KNDC1: variants seen among roughly 807,000 people sequenced by gnomAD.
The protein encoded by KNDC1 is kinase non-catalytic C-lobe domain-containing protein 1.
In KNDC1, 106 loss-of-function variants were observed where a neutral mutation model predicts 172.8. The ratio of observed to expected loss-of-function variants is 0.61; its 90% CI spans 0.52 to 0.72. The LOEUF is 0.72. Ranked by LOEUF, KNDC1 falls within the 30% of genes least tolerant of loss-of-function variation. The pLI, the probability that KNDC1 is intolerant of heterozygous loss-of-function variation, is 0.00. For synonymous variants in KNDC1, 1,083 were observed against 1,062.2 expected, an observed-to-expected ratio of 1.02 and a Z score of -0.38; for missense variants, 2,325 against 2,394.5, an observed-to-expected ratio of 0.97 and a Z score of 0.61.
intron 26 of KNDC1, among the ~76,000 whole-genome samples, chr10:133,215,532 G>A (rs988795704): frequency 6.6e-6 from 1 of 152,260 alleles, no homozygotes; most frequent in Admixed American, 6.5e-5. Flanking sequence ...CAGATCCATG[G>A]TTTTCACCAT....
intron 3 of KNDC1, among the ~76,000 whole-genome samples, chr10:133,180,964 A>T (rs1853699893): frequency 6.6e-6 from 1 of 152,262 alleles, no homozygotes; most frequent in Non-Finnish European, 1.5e-5. Flanking sequence ...ACGGTCATTT[A>T]TCAGGAGGGT....
chr10:133,212,724 C>A lies in KNDC1; in HGVS notation c.4245C>A (p.Pro1415=). 2 of 1,612,762 alleles carry A rather than the reference C, an allele frequency of 1.2e-6. No homozygotes were observed. The highest frequency in any genetic ancestry group is 1.7e-6 in the Non-Finnish European group (2 of 1,179,678). ...CCCGGCCTGCCCTGCAGAGCTTCCC[C>A]TGGAGGCTGCCCCGAGGCAACGGGC... ...SEDGISRKSF[P]WRLPRGNGLV... Residue 1415 remains proline (P), a synonymous_variant, in exon 24 of 30, where the codon CCC becomes CCA. Transcript: ENST00000304613.
In KNDC1 at chr10:133,213,772, C is replaced by CG. The variant is rs769991606; in HGVS notation, c.4526+50dup. The CG allele has an allele frequency of 6.1e-5, 96 of 1,571,838 alleles. 1 individual carries two copies. Among genetic ancestry groups the CG allele is most frequent in the Non-Finnish European group, 1.1e-5 (13 of 1,144,144 alleles). ...AGCTGGGAGCGGTGGTGGAGGGTCT[C>CG]GGGGGCTTCCCGTAAGAGTCTTGTG... On this transcript the variant is annotated intron_variant, in intron 25 of 29. Transcript: ENST00000304613.
intron 23 of KNDC1, 103 bp downstream of exon 23, chr10:133,211,961 G>A: frequency 8.8e-7 from 1 of 1,139,508 alleles, no homozygotes; most frequent in Non-Finnish European, 1.2e-6. Flanking sequence ...ATACACACAA[G>A]TGCAAATGGG....
chr10:133,187,930 T>C (rs117665082), intron 6 of KNDC1, among the ~76,000 whole-genome samples: 42,889 of 89,486 alleles, frequency 0.48, 8,505 homozygotes, highest in South Asian at 0.63. Context: ...TCCATGAGCC[T>C]GGCCCCTGCA....
At chr10:133,177,534 A>T (rs1045431162) in intron 3 of KNDC1, among the ~76,000 whole-genome samples, 2 of 151,496 alleles carry the variant, frequency 1.3e-5, no homozygotes, top group South Asian at 2.1e-4. Flanking sequence ...GCATGCACAT[A>T]GTGTGTGTCA....
intron 22 of KNDC1, 21 bp from the exon 23 acceptor site, chr10:133,211,658 C>A (rs1460575230): frequency 6.9e-6 from 11 of 1,589,888 alleles, no homozygotes; most frequent in Non-Finnish European, 9.4e-6. Flanking sequence ...GTGACCCCCC[C>A]ACCACTGTGC....
intron 12 of KNDC1, 142 bp downstream of exon 12, chr10:133,197,910 T>C: frequency 1.4e-6 from 1 of 723,410 alleles, no homozygotes; most frequent in Middle Eastern, 3.8e-4. Flanking sequence ...ACGTGGCCCA[T>C]GCAGCCCAGC....
chr10:133,177,508 T>C (rs1853574986), intron 3 of KNDC1, among the ~76,000 whole-genome samples: 1 of 146,448 alleles, frequency 6.8e-6, no homozygotes, highest in African/African-American at 2.5e-5. Context: ...GTCATGGTCA[T>C]GTGTGTAATG....
At chr10:133,210,152 G>A (rs1225081018) in intron 20 of KNDC1, among the ~76,000 whole-genome samples, 5 of 152,020 alleles carry the variant, frequency 3.3e-5, no homozygotes, top group African/African-American at 7.3e-5. Flanking sequence ...TTGGGTGGCC[G>A]AGGCAGGCAG....
intron 7 of KNDC1, 94 bp downstream of exon 7, chr10:133,188,747 C>T: frequency 1.7e-6 from 1 of 588,658 alleles, no homozygotes; most frequent in Non-Finnish European, 3.0e-6. Flanking sequence ...CGTCCCACCC[C>T]CCACACCGTC....
rs375894365 is a variant in KNDC1 at position 133,210,589 on chromosome 10, C to T, written c.3795-22C>T. 9.0e-5 allele frequency: 137 copies of T among 1,530,474 alleles called. No individual in the cohort carries two copies. In the African/African-American group the frequency reaches 1.6e-3, roughly 18 times the overall value. 94.8% of individuals were successfully genotyped at this position (1,530,474 alleles called of 1,614,324 possible). A position where few individuals can be genotyped will look rare whatever the true frequency, so the allele number is the denominator to read the frequency against. On this transcript the variant is annotated intron_variant, in intron 20 of 29. Coordinates refer to ENST00000304613, the MANE Select transcript of KNDC1 (RefSeq NM_152643.8). ...GGGTGCGGCCACCCCACCACCTCAC[C>T]GCCGCCCGCCCCGCCCCACAGTGAT...
In KNDC1 at chr10:133,160,474, G is replaced by A; in HGVS notation, c.7G>A (p.Ala3Thr). 6.3e-7 allele frequency: 1 copy of A among 1,577,284 alleles called. No homozygotes were observed. The highest frequency in any genetic ancestry group is 1.8e-5 in the Admixed American group (1 of 56,256). Residue 3 changes from alanine to threonine, a missense_variant, in exon 1 of 30, where the codon GCC becomes ACC. Coordinates refer to ENST00000304613, the MANE Select transcript of KNDC1 (RefSeq NM_152643.8). MQ[A>T]MDPAAADLYE... Reference sequence around the variant, plus strand: ...TGCGCGGCGCGGCCGCAGGATGCAGGCCATGGACCCGGCCGCGGCGGATCT... The same window carrying A: ...TGCGCGGCGCGGCCGCAGGATGCAGACCATGGACCCGGCCGCGGCGGATCT...
At chr10:133,194,509 CTA>C (rs1854135594) in intron 9 of KNDC1, among the ~76,000 whole-genome samples, 1 of 152,200 alleles carries the variant, frequency 6.6e-6, no homozygotes, top group African/African-American at 2.4e-5. Flanking sequence ...TTTATTAAAA[CTA>C]TGTACAATTA....
rs112401901 is a variant in KNDC1 at position 133,215,767 on chromosome 10, G to A, written c.4677+1645G>A. The stretch of plus-strand genomic sequence containing the variant: ...GCGGCGGCCCTGCCTGAGGGTCTCC[G>A]GGATGGCCGCTCGTCCTGGTCACGC... On this transcript the variant is annotated intron_variant, in intron 26 of 29. Coordinates refer to ENST00000304613, the MANE Select transcript of KNDC1 (RefSeq NM_152643.8). Among the ~76,000 whole-genome samples the A allele has an allele frequency of 6.1e-3, 927 of 152,348 alleles. 17 individuals are homozygous for A. Among genetic ancestry groups the A allele is most frequent in the African/African-American group, 0.021 (867 of 41,590 alleles).
chr10:133,189,584 A>C lies in KNDC1; in HGVS notation c.1442-14A>C. On this transcript the variant is annotated splice_polypyrimidine_tract_variant and intron_variant, in intron 7 of 29. Transcript: ENST00000304613. ...GCAGCATGCATACCCGCCCTGACCC[A>C]AGCTCTGCCACAGCCTACCTGTGTC... The C allele has an allele frequency of 1.2e-6, 2 of 1,612,444 alleles. No individual in the cohort carries two copies. The highest frequency in any genetic ancestry group is 1.7e-6 in the Non-Finnish European group (2 of 1,179,854).
In KNDC1 at chr10:133,161,019, G is replaced by A. The variant is rs180784463; in HGVS notation, c.102+450G>A. ...GGAGCGCTGGATGACTGCCCCCCGA[G>A]ACTGAGAGCTGCTTCCTGCTCTCTG... On this transcript the variant is annotated intron_variant, in intron 1 of 29. Transcript: ENST00000304613. Among the ~76,000 whole-genome samples, 262 of 152,162 alleles carry A rather than the reference G, an allele frequency of 1.7e-3. 1 individual carries two copies. Among genetic ancestry groups the A allele is most frequent in the Admixed American group, 4.7e-3 (72 of 15,286 alleles).
At position 133,226,109 on chromosome 10, in the gene KNDC1, G is replaced by A. The variant is rs999158644; in HGVS notation, c.*1219G>A. ...ATCGCTGCATTTTTAATGTCAAGATGTGTTTTCCCACATAAATTCACCGGA... is the reference window on the plus strand; with the variant it reads ...ATCGCTGCATTTTTAATGTCAAGATATGTTTTCCCACATAAATTCACCGGA... On this transcript the variant is annotated 3_prime_UTR_variant, in exon 30 of 30. Transcript: ENST00000304613. 6.6e-6 allele frequency: 1 copy of A among 152,154 alleles called. No individual in the cohort carries two copies. Among genetic ancestry groups the A allele is most frequent in the Non-Finnish European group, 1.5e-5 (1 of 68,038 alleles). 9.4% of individuals were successfully genotyped at this position (152,154 alleles called of 1,614,324 possible). A position where few individuals can be genotyped will look rare whatever the true frequency, so the allele number is the denominator to read the frequency against.
chr10:133,212,881 A>G lies in KNDC1; in HGVS notation c.4402A>G (p.Ser1468Gly). Residue 1468 changes from serine (S) to glycine (G), a missense_variant, in exon 24 of 30, where the codon AGC (serine) becomes GGC (glycine). Coordinates refer to ENST00000304613, the MANE Select transcript of KNDC1 (RefSeq NM_152643.8). ...GGGGCCCTACTTCCTGACGGAGTAC[A>G]GCACTCACCAGCTCTTCAGCCAGCT... Reference protein sequence around the residue: ...EKGPYFLTEYSTHQLFSQLTL... With the variant: ...EKGPYFLTEYGTHQLFSQLTL... The G allele has an allele frequency of 6.2e-7, 1 of 1,613,706 alleles. No homozygotes were observed. Among genetic ancestry groups the G allele is most frequent in the Non-Finnish European group, 8.5e-7 (1 of 1,179,832 alleles).
Sources: gnomAD v4.1 joint callset for allele counts (sites outside exome capture counted in the v4.1 genomes callset) on GRCh38, gnomAD v4.1.1 for gene constraint, MANE v1.5 for transcripts, NCBI Gene and HGNC (gene_info 2026-07-23, HGNC 2026-07-21) for gene names.